TNN: variants seen among roughly 807,000 people sequenced by gnomAD.
TNN encodes the protein tenascin N.
Under a neutral mutation model 134.4 loss-of-function variants are expected in TNN, and 122 were observed. That is an observed-to-expected ratio of 0.91 (90% CI 0.78 to 1.06). The LOEUF is 1.06. TNN is among the 50% of genes least tolerant of loss of function. The pLI, the probability that TNN is intolerant of heterozygous loss-of-function variation, is 0.00. For synonymous variants in TNN, 710 were observed against 670.3 expected (o/e 1.06, Z -0.91); for missense variants, 1,739 against 1,699.4 (o/e 1.02, Z -0.41).
In TNN at chr1:175,104,006, C is replaced by T. The variant is rs769937513; in HGVS notation, c.2119+5411C>T. Among the ~76,000 whole-genome samples, 201 of 145,930 alleles carry T rather than the reference C, an allele frequency of 1.4e-3. 35 individuals are homozygous for T. The highest frequency in any genetic ancestry group is 2.5e-3 in the Non-Finnish European group (166 of 65,798). On this transcript the variant is annotated intron_variant, in intron 9 of 18. Coordinates refer to ENST00000239462, the MANE Select transcript of TNN (RefSeq NM_022093.2). ...GGGACAACAAATGGGTAACTTGTTC[C>T]CCATATTTATGTAGATAATAGCTCC...
chr1:175,094,138 G>C lies in TNN; in HGVS notation c.1473G>C (p.Lys491Asn). The C allele has an allele frequency of 6.2e-7, 1 of 1,614,198 alleles. No homozygotes were observed. Among genetic ancestry groups the C allele is most frequent in the South Asian group, 1.1e-5 (1 of 91,088 alleles). The change falls in exon 7 of 19, where the codon AAG (lysine) becomes AAC (asparagine). Residue 491 changes from lysine (K) to asparagine (N), a missense_variant. Coordinates refer to ENST00000239462, the MANE Select transcript of TNN (RefSeq NM_022093.2). ...ACACCAAGGAAATGGCAGTGCACAA[G>C]GATGAGAGCAGCACTGTCCTGACGG... ...DGDTKEMAVH[K>N]DESSTVLTGL...
intron 12 of TNN, among the ~76,000 whole-genome samples, chr1:175,126,494 A>G (rs1675531809): frequency 6.6e-6 from 1 of 152,204 alleles, no homozygotes; most frequent in Admixed American, 6.5e-5. Context: ...AGTCTTGGGT[A>G]GTTTCCCAGT....
Position 175,077,423 on chromosome 1 carries a change from G to A in TNN, c.5G>A (p.Ser2Asn). The A allele has an allele frequency of 6.2e-7, 1 of 1,611,972 alleles. No individual in the cohort carries two copies. The highest frequency in any genetic ancestry group is 2.2e-5 in the East Asian group (1 of 44,840). The change falls in exon 2 of 19, where the codon AGT becomes AAT. Residue 2 changes from serine to asparagine, a missense_variant. Coordinates refer to ENST00000239462, the MANE Select transcript of TNN (RefSeq NM_022093.2). ...CTGCTCCCTGTCTTTCCAAGGATGA[G>A]TCTCCAGGAGATGTTCCGCTTCCCT... The part of the protein sequence containing the change: M[S>N]LQEMFRFPMG...
chr1:175,111,685 G>T (rs377483733), intron 9 of TNN, among the ~76,000 whole-genome samples: 3 of 151,498 alleles, frequency 2.0e-5, no homozygotes, highest in Non-Finnish European at 4.4e-5. Flanking sequence ...GTGTTTTATG[G>T]TTTTTCCTTG....
chr1:175,128,289 G>T, intron 14 of TNN, 125 bp downstream of exon 14: 1 of 960,634 alleles, frequency 1.0e-6, no homozygotes, highest in East Asian at 2.6e-5. Flanking sequence ...ATGGGGAAGT[G>T]GAAATGGGGT....
chr1:175,076,075 G>A (rs1215661841), intron 1 of TNN, among the ~76,000 whole-genome samples: 3 of 152,194 alleles, frequency 2.0e-5, no homozygotes, highest in African/African-American at 7.2e-5. Context: ...AGGTTCCTGT[G>A]AGCAAAATGT....
At chr1:175,084,674 T>C (rs1297281576) in intron 5 of TNN, among the ~76,000 whole-genome samples, 2 of 152,346 alleles carry the variant, frequency 1.3e-5, no homozygotes, top group East Asian at 3.9e-4. Flanking sequence ...TTGAGTTCTG[T>C]CTTGACAGGA....
chr1:175,089,018 G>C (rs1674382480), intron 6 of TNN, among the ~76,000 whole-genome samples: 1 of 152,050 alleles, frequency 6.6e-6, no homozygotes, highest in South Asian at 2.1e-4. Context: ...TGTTTTTATT[G>C]TCAATTATAT....
rs148575834 is a variant in TNN, at chr1:175,100,916, G to C, written c.2119+2321G>C. Among the ~76,000 whole-genome samples the C allele has an allele frequency of 7.1e-3, 1,085 of 152,276 alleles. 6 individuals carry two copies. Among genetic ancestry groups the C allele is most frequent in the Non-Finnish European group, 0.01 (691 of 68,026 alleles). On this transcript the variant is annotated intron_variant, in intron 9 of 18. Transcript: ENST00000239462. ...AATATACATATTTATAGGTACATGT[G>C]ATGTTCTAATACATGCATGCAATGT... is the stretch of plus-strand genomic sequence containing the variant.
At chr1:175,104,642 T>C (rs1674805608) in intron 9 of TNN, among the ~76,000 whole-genome samples, 1 of 145,570 alleles carries the variant, frequency 6.9e-6, no homozygotes, top group Non-Finnish European at 1.5e-5. Flanking sequence ...CTGTTCCTCT[T>C]GGTCCCTATT....
At chr1:175,112,598 C>CTTTTGTTTTTTTTTTTTTTTTTTTTT (rs1675058974) in intron 9 of TNN, among the ~76,000 whole-genome samples, 1 of 21,974 alleles carries the variant, frequency 4.6e-5, no homozygotes, top group Non-Finnish European at 8.3e-5. Flanking sequence ...GCCGGCCGAT[C>CTTTTGTTTTTTTTTTTTTTTTTTTTT]TTTTTTTTTT....
At position 175,079,361 on chromosome 1, in the gene TNN, G is replaced by C; in HGVS notation, c.438G>C (p.Gly146=). ...TDLSRHCSGH[G]TFSLETCSCH... ...TAAGCCGCCACTGCAGCGGCCACGG[G>C]ACCTTCTCCCTGGAGACCTGCAGCT... The change falls in exon 3 of 19, where the codon GGG becomes GGC. Residue 146 remains glycine, a synonymous_variant. Transcript: ENST00000239462. 6.3e-7 allele frequency: 1 copy of C among 1,596,442 alleles called. No homozygotes were observed. The highest frequency in any genetic ancestry group is 8.5e-7 in the Non-Finnish European group (1 of 1,176,752).
chr1:175,112,796 A>AT (rs1675067967), intron 9 of TNN, among the ~76,000 whole-genome samples: 1 of 149,496 alleles, frequency 6.7e-6, no homozygotes, highest in African/African-American at 2.5e-5. Context: ...TTTTTTTTGT[A>AT]TTTTTAGTAG....
At chr1:175,136,619 C>T (rs1558374572) in intron 16 of TNN, among the ~76,000 whole-genome samples, 1 of 152,134 alleles carries the variant, frequency 6.6e-6, no homozygotes, top group South Asian at 2.1e-4. Flanking sequence ...CCCTTCACTG[C>T]TCCCTTCCAT....
At chr1:175,087,038 G>A (rs1674336358) in intron 6 of TNN, among the ~76,000 whole-genome samples, 1 of 152,218 alleles carries the variant, frequency 6.6e-6, no homozygotes, top group Non-Finnish European at 1.5e-5. Flanking sequence ...AGCCAGGAAA[G>A]GACAGAGCTG....
intron 9 of TNN, among the ~76,000 whole-genome samples, chr1:175,113,941 C>G (rs979551300): frequency 1.3e-5 from 2 of 152,094 alleles, no homozygotes; most frequent in African/African-American, 4.8e-5. Flanking sequence ...ATTTCTCATT[C>G]ATATCATGTA....
At position 175,147,113 on chromosome 1, in the gene TNN, T is replaced by G; in HGVS notation, c.*42T>G. The G allele has an allele frequency of 6.7e-7, 1 of 1,485,136 alleles. No homozygotes were observed. Among genetic ancestry groups the G allele is most frequent in the Non-Finnish European group, 9.0e-7 (1 of 1,107,598 alleles). The allele number at this position is 1,485,136 out of a possible 1,614,324, so 92.0% of individuals were successfully genotyped here. ...TCCTCGCAGGAGACACCACCAGCTG[T>G]GGCAGCTTGGGGCGGGGTGGGTAGT... On this transcript the variant is annotated 3_prime_UTR_variant, in exon 19 of 19. Coordinates refer to ENST00000239462, the MANE Select transcript of TNN (RefSeq NM_022093.2).
At chr1:175,130,698 T>C (rs928821936) in intron 15 of TNN, among the ~76,000 whole-genome samples, 48 of 152,220 alleles carry the variant, frequency 3.2e-4, no homozygotes, top group African/African-American at 1.2e-3. Flanking sequence ...CATATATTTA[T>C]TGAGTGCCTA....
intron 17 of TNN, among the ~76,000 whole-genome samples, chr1:175,139,690 A>G (rs1479040981): frequency 2.0e-5 from 3 of 152,242 alleles, no homozygotes; most frequent in South Asian, 2.1e-4. Context: ...AACCAGTAAC[A>G]TAATTATTTA....
Sources: gnomAD v4.1 joint callset for allele counts (sites outside exome capture counted in the v4.1 genomes callset) on GRCh38, gnomAD v4.1.1 for gene constraint, MANE v1.5 for transcripts, NCBI Gene and HGNC (gene_info 2026-07-23, HGNC 2026-07-21) for gene names.